Variants in CHRM2 observed in about 807,000 individuals in gnomAD.
CHRM2 encodes muscarinic acetylcholine receptor M2.
In CHRM2, 8 loss-of-function variants were observed where a neutral mutation model predicts 25.0. The ratio of observed to expected loss-of-function variants is 0.32; its 90% CI spans 0.19 to 0.58. The LOEUF (loss-of-function observed/expected upper bound fraction) is 0.58. Ranked by LOEUF, CHRM2 falls within the 20% of genes least tolerant of loss-of-function variation. The probability of loss-of-function intolerance (pLI) is 0.88; values close to 1 mark genes in which losing one functional copy is unlikely to be tolerated. For missense variants in CHRM2, 440 were observed against 567.1 expected, an observed-to-expected ratio of 0.78 and a Z score of 2.28; for synonymous variants, 202 against 205.7, an observed-to-expected ratio of 0.98 and a Z score of 0.15.
At chr7:136,926,646 A>G (rs967526630) in intron 2 of CHRM2, among the ~76,000 whole-genome samples, 6 of 152,200 alleles carry the variant, frequency 3.9e-5, no homozygotes, top group Non-Finnish European at 5.9e-5. Context: ...AAACATTGCA[A>G]AGGAGGTGAT....
At chr7:136,912,417 T>C (rs1797892172) in intron 2 of CHRM2, among the ~76,000 whole-genome samples, 1 of 151,884 alleles carries the variant, frequency 6.6e-6, no homozygotes, top group Non-Finnish European at 1.5e-5. Context: ...AGAACAAAAA[T>C]ATTTCTTTGA....
In CHRM2 at chr7:137,016,528, G is replaced by T; in HGVS notation, c.*262G>T. 1 of 447,278 alleles carries T rather than the reference G, an allele frequency of 2.2e-6. No homozygotes were observed. Among genetic ancestry groups the T allele is most frequent in the Non-Finnish European group, 4.2e-6 (1 of 237,424 alleles). 27.7% of individuals were successfully genotyped at this position (447,278 alleles called of 1,614,324 possible). On this transcript the variant is annotated 3_prime_UTR_variant, in exon 4 of 4. Coordinates refer to ENST00000680005, the MANE Select transcript of CHRM2 (RefSeq NM_001006630.2). ...TCGTGGATTTAAGAAACTATACACTGTTTCTCATAATCTCTTGAAGAAGGG... is the reference window on the plus strand; with the variant it reads ...TCGTGGATTTAAGAAACTATACACTTTTTCTCATAATCTCTTGAAGAAGGG...
intron 2 of CHRM2, among the ~76,000 whole-genome samples, chr7:136,948,619 T>C (rs1800209591): frequency 6.6e-6 from 1 of 152,166 alleles, no homozygotes. Context: ...CGGATTTGGC[T>C]ATGTGGCAGA....
chr7:137,002,441 TC>T (rs1393890054), intron 3 of CHRM2, among the ~76,000 whole-genome samples: 2 of 152,194 alleles, frequency 1.3e-5, no homozygotes, highest in African/African-American at 4.8e-5. Flanking sequence ...AGAAAGATCA[TC>T]TTTTTCTCCA....
chr7:136,991,202 C>T (rs1050185223), intron 2 of CHRM2, among the ~76,000 whole-genome samples: 1 of 152,048 alleles, frequency 6.6e-6, no homozygotes, highest in Non-Finnish European at 1.5e-5. Context: ...AAGTCATCAC[C>T]ATACCCAAAG....
chr7:136,955,279 T>C (rs998809085), intron 2 of CHRM2, among the ~76,000 whole-genome samples: 1 of 152,262 alleles, frequency 6.6e-6, no homozygotes, highest in African/African-American at 2.4e-5. Flanking sequence ...TCAATTCTTA[T>C]GAAGCATGCT....
At chr7:136,916,330 C>T (rs890497671) in intron 2 of CHRM2, among the ~76,000 whole-genome samples, 2 of 151,896 alleles carry the variant, frequency 1.3e-5, no homozygotes, top group Admixed American at 6.6e-5. Flanking sequence ...AATATACTAT[C>T]CTCTACAGAA....
intron 2 of CHRM2, among the ~76,000 whole-genome samples, chr7:136,975,384 T>C (rs1249781598): frequency 6.6e-6 from 1 of 152,092 alleles, no homozygotes; most frequent in Non-Finnish European, 1.5e-5. Flanking sequence ...ATATTTCTAA[T>C]TGGAGAAATA....
At chr7:136,931,352 G>A (rs1799093604) in intron 2 of CHRM2, among the ~76,000 whole-genome samples, 1 of 152,188 alleles carries the variant, frequency 6.6e-6, no homozygotes, top group Non-Finnish European at 1.5e-5. Flanking sequence ...AAGTATAGCA[G>A]TTAAGTGATA....
chr7:136,953,838 C>G (rs1409918053), intron 2 of CHRM2, among the ~76,000 whole-genome samples: 1 of 152,124 alleles, frequency 6.6e-6, no homozygotes, highest in Non-Finnish European at 1.5e-5. Flanking sequence ...CCCACTTGTC[C>G]TCAGAGAAGG....
chr7:136,968,921 T>C (rs1458040972), intron 2 of CHRM2, among the ~76,000 whole-genome samples: 3 of 151,980 alleles, frequency 2.0e-5, no homozygotes, highest in African/African-American at 7.2e-5. Context: ...TAATCTGTGA[T>C]GTGATCATAT....
intron 2 of CHRM2, among the ~76,000 whole-genome samples, chr7:136,976,460 T>A (rs1802110140): frequency 6.6e-6 from 1 of 152,148 alleles, no homozygotes; most frequent in Non-Finnish European, 1.5e-5. Flanking sequence ...ATTATTATTA[T>A]AACAATTTTC....
At chr7:136,910,012 C>T (rs1281426842) in intron 2 of CHRM2, among the ~76,000 whole-genome samples, 5 of 151,770 alleles carry the variant, frequency 3.3e-5, no homozygotes, top group South Asian at 2.1e-4. Context: ...ACACACCAAA[C>T]GCTGTTTAGT....
intron 2 of CHRM2, among the ~76,000 whole-genome samples, chr7:136,909,111 C>T (rs1348520531): frequency 6.6e-6 from 1 of 151,970 alleles, no homozygotes; most frequent in African/African-American, 2.4e-5. Flanking sequence ...CAGGGACATA[C>T]ATGAATCCCA....
chr7:136,961,170 T>C (rs1233047231), intron 2 of CHRM2, among the ~76,000 whole-genome samples: 2 of 152,072 alleles, frequency 1.3e-5, no homozygotes, highest in African/African-American at 4.8e-5. Flanking sequence ...GTAGAAACCA[T>C]ACTTCAAGGA....
intron 2 of CHRM2, among the ~76,000 whole-genome samples, chr7:136,910,067 G>T (rs1235206603): frequency 6.6e-6 from 1 of 151,822 alleles, no homozygotes; most frequent in African/African-American, 2.4e-5. Context: ...CAAGGTGAGG[G>T]GTTGGGCTGG....
intron 2 of CHRM2, among the ~76,000 whole-genome samples, chr7:136,900,477 A>G (rs896156219): frequency 6.6e-6 from 1 of 152,078 alleles, no homozygotes; most frequent in African/African-American, 2.4e-5. Context: ...GGATTTGATC[A>G]CAGGCTTACT....
intron 2 of CHRM2, among the ~76,000 whole-genome samples, chr7:136,977,535 A>C (rs1344682734): frequency 6.6e-6 from 1 of 152,216 alleles, no homozygotes; most frequent in African/African-American, 2.4e-5. Flanking sequence ...ACAGTTTTAG[A>C]AAAGATCAGA....
chr7:136,933,411 C>T (rs1189942955), intron 2 of CHRM2, among the ~76,000 whole-genome samples: 2 of 152,076 alleles, frequency 1.3e-5, no homozygotes, highest in Non-Finnish European at 2.9e-5. Context: ...ACCAGGAGAG[C>T]TATAATCAAA....
Sources: allele counts gnomAD v4.1 joint callset (sites outside exome capture counted in the v4.1 genomes callset), GRCh38; gene constraint gnomAD v4.1.1; transcripts MANE v1.5; gene names NCBI Gene and HGNC (gene_info 2026-07-23, HGNC 2026-07-21).